Variants in PCDHGB2 observed in about 807,000 individuals in gnomAD.
PCDHGB2 encodes the protein protocadherin gamma-B2.
In PCDHGB2, 55 loss-of-function variants were observed where a neutral mutation model predicts 59.3. The ratio of observed to expected loss-of-function variants is 0.93; its 90% confidence interval spans 0.75 to 1.16. The LOEUF is 1.16. Ranked by LOEUF, PCDHGB2 falls within the 50% of genes most tolerant of loss-of-function variation. The probability of loss-of-function intolerance (pLI) is 0.00; values close to 1 mark genes in which losing one functional copy is unlikely to be tolerated. For missense variants in PCDHGB2, 1,228 were observed against 1,198.5 expected, an observed-to-expected ratio of 1.02 and a Z score of -0.36; for synonymous variants, 516 against 512.0, an observed-to-expected ratio of 1.01 and a Z score of -0.11.
At chr5:141,388,201 T>C (rs780011607) in intron 1 of PCDHGB2, 1 of 1,573,864 alleles carries the variant, frequency 6.4e-7, no homozygotes, top group Non-Finnish European at 8.7e-7. Context: ...GCTCTGGAAT[T>C]TGAGGCTGTT....
At position 141,433,356 on chromosome 5, in the gene PCDHGB2, T is replaced by A. The variant is rs549297958; in HGVS notation, c.2422-61451T>A. On this transcript the variant is annotated intron_variant, in intron 1 of 3. Transcript: ENST00000522605. ...CTACAGGTGCAAGCCACCTACTGTC[T>A]GCCTATCTATCTATCTATCTATCTA... The A allele has an allele frequency of 8.4e-5, 51 of 607,892 alleles. No homozygotes were observed. The African/African-American group carries it at 9.5e-4, about 11-fold the overall frequency. 37.7% of individuals were successfully genotyped at this position (607,892 alleles called of 1,614,324 possible).
chr5:141,459,609 T>C (rs939880462), intron 1 of PCDHGB2, among the ~76,000 whole-genome samples: 1 of 152,230 alleles, frequency 6.6e-6, no homozygotes, highest in African/African-American at 2.4e-5. Context: ...AAGTATATGC[T>C]TAACTTTATA....
intron 1 of PCDHGB2, chr5:141,492,036 T>A: frequency 1.9e-6 from 1 of 536,866 alleles, no homozygotes; most frequent in Non-Finnish European, 3.2e-6. Flanking sequence ...GAGGAGGCAG[T>A]CACAGATCCA....
intron 1 of PCDHGB2, among the ~76,000 whole-genome samples, chr5:141,484,202 T>C (rs2099593138): frequency 6.6e-6 from 1 of 152,214 alleles, no homozygotes; most frequent in Non-Finnish European, 1.5e-5. Context: ...ATTAAATCTA[T>C]GAACATTAGC....
At chr5:141,500,221 TTTA>T (rs1428029040) in intron 2 of PCDHGB2, among the ~76,000 whole-genome samples, 2 of 151,002 alleles carry the variant, frequency 1.3e-5, no homozygotes, top group Non-Finnish European at 2.9e-5. Flanking sequence ...TATTTATTTA[TTTA>T]TTGATACGTA....
intron 1 of PCDHGB2, chr5:141,398,901 C>T: frequency 9.9e-6 from 16 of 1,613,954 alleles, no homozygotes; most frequent in Non-Finnish European, 1.3e-5. Flanking sequence ...TGCCACCAGG[C>T]ACCACTGTGT....
chr5:141,482,041 T>C (rs1443886481), intron 1 of PCDHGB2, among the ~76,000 whole-genome samples: 2 of 150,190 alleles, frequency 1.3e-5, no homozygotes, highest in Non-Finnish European at 2.9e-5. Context: ...GCCAAGATCA[T>C]GCTGTTGCAT....
chr5:141,399,796 C>A (rs62621781), intron 1 of PCDHGB2: 1 of 1,613,212 alleles, frequency 6.2e-7, no homozygotes. Context: ...CAACGCACCG[C>A]GGGTGCTGTA....
At chr5:141,440,732 A>C (rs2154559008) in intron 1 of PCDHGB2, 1 of 152,346 alleles carries the variant, frequency 6.6e-6, no homozygotes, top group African/African-American at 2.4e-5. Context: ...GTGTTAGAGA[A>C]GCTGCTTGAC....
intron 1 of PCDHGB2, among the ~76,000 whole-genome samples, chr5:141,451,829 C>T (rs564970982): frequency 1.2e-4 from 18 of 151,422 alleles, no homozygotes; most frequent in African/African-American, 4.1e-4. Flanking sequence ...TACAGTGAGC[C>T]GAGATCACAC....
rs776258973 is a variant in PCDHGB2, at chr5:141,489,877, A to G, written c.2422-4930A>G. 1.2e-6 allele frequency: 2 copies of G among 1,614,230 alleles called. No individual in the cohort carries two copies. The highest frequency in any genetic ancestry group is 2.2e-5 in the South Asian group (2 of 91,090). Reference sequence around the variant, plus strand: ...CCAGGCAAGACATCAGCTGGTGCTTACTGCTGTGGATGGGGGGACCCCAGC... The same window carrying G: ...CCAGGCAAGACATCAGCTGGTGCTTGCTGCTGTGGATGGGGGGACCCCAGC... On this transcript the variant is annotated intron_variant, in intron 1 of 3. Coordinates refer to ENST00000522605, the MANE Select transcript of PCDHGB2 (RefSeq NM_018923.3). This position sits in a 1 kb window ranked among gnomAD's most constrained non-coding sequence, Gnocchi z 4.5.
At chr5:141,473,858 C>G (rs569473917) in intron 1 of PCDHGB2, among the ~76,000 whole-genome samples, 1 of 152,286 alleles carries the variant, frequency 6.6e-6, no homozygotes, top group Admixed American at 6.5e-5. Flanking sequence ...ATGAACCTCG[C>G]TATTGTGGAG....
chr5:141,420,382 C>A, intron 1 of PCDHGB2: 1 of 1,300,530 alleles, frequency 7.7e-7, no homozygotes. Flanking sequence ...ATAGAGTTCG[C>A]AAAATATAGG....
chr5:141,442,298 G>A (rs934210433), intron 1 of PCDHGB2: 2 of 152,564 alleles, frequency 1.3e-5, no homozygotes, highest in African/African-American at 4.8e-5. Flanking sequence ...TCCTGTCTGA[G>A]TCTTTCCCAC....
chr5:141,425,979 A>T lies in PCDHGB2; in HGVS notation c.2421+63423A>T, dbSNP rs114212354. ...GTCCAACACATCAGTCTAATTCTGA[A>T]TCCCATTGAATTAGCAAAGGCTTCC... On this transcript the variant is annotated intron_variant, in intron 1 of 3. Coordinates refer to ENST00000522605, the MANE Select transcript of PCDHGB2 (RefSeq NM_018923.3). Among the ~76,000 whole-genome samples, 592 of 152,328 alleles carry T rather than the reference A, an allele frequency of 3.9e-3. 5 individuals carry two copies. Among genetic ancestry groups the T allele is most frequent in the African/African-American group, 0.014 (563 of 41,580 alleles).
chr5:141,419,754 T>C, intron 1 of PCDHGB2: 1 of 1,613,924 alleles, frequency 6.2e-7, no homozygotes. Flanking sequence ...GTGCGTGCTT[T>C]GGGTGACAAG....
intron 1 of PCDHGB2, among the ~76,000 whole-genome samples, chr5:141,483,014 G>A (rs1401419953): frequency 1.3e-5 from 2 of 152,184 alleles, no homozygotes; most frequent in Non-Finnish European, 2.9e-5. Context: ...GAACCCGGGA[G>A]GCAGAGGTTG....
At chr5:141,410,764 A>G (rs1288407043) in intron 1 of PCDHGB2, 2 of 1,105,068 alleles carry the variant, frequency 1.8e-6, no homozygotes, top group African/African-American at 1.6e-5. Context: ...TTTTTCAATT[A>G]TAGTTTTCAC....
intron 2 of PCDHGB2, among the ~76,000 whole-genome samples, chr5:141,499,573 A>AT (rs2099792803): frequency 1.3e-5 from 2 of 152,108 alleles, no homozygotes; most frequent in Non-Finnish European, 2.9e-5. Context: ...AGCTTCAACT[A>AT]ATGCCTTATC....
Sources: allele counts gnomAD v4.1 joint callset (sites outside exome capture counted in the v4.1 genomes callset), GRCh38; gene constraint gnomAD v4.1.1; non-coding constraint Gnocchi (gnomAD v3.1); transcripts MANE v1.5; gene names NCBI Gene and HGNC (gene_info 2026-07-23, HGNC 2026-07-21).